The following CSRP1 variants were observed in gnomAD, a reference collection of about 807,000 sequenced individuals.
CSRP1 encodes the protein cysteine and glycine-rich protein 1.
Under a neutral mutation model 25.4 loss-of-function variants are expected in CSRP1, and 16 were observed. The ratio of observed to expected loss-of-function variants is 0.63; its 90% CI spans 0.43 to 0.96. The LOEUF is 0.96. Ranked by LOEUF, CSRP1 falls within the 40% of genes least tolerant of loss-of-function variation. CSRP1 has a pLI of 0.00. For synonymous variants in CSRP1, 97 were observed against 95.3 expected (o/e 1.02, Z -0.10); for missense variants, 212 against 243.6 (o/e 0.87, Z 0.86).
At chr1:201,505,110 C>A (rs1419779828) in intron 1 of CSRP1, among the ~76,000 whole-genome samples, 1 of 152,122 alleles carries the variant, frequency 6.6e-6, no homozygotes, top group African/African-American at 2.4e-5. Flanking sequence ...AACAAAAACA[C>A]ACAAAAAAGC....
At chr1:201,505,084 A>G (rs950945777) in intron 1 of CSRP1, among the ~76,000 whole-genome samples, 1 of 152,200 alleles carries the variant, frequency 6.6e-6, no homozygotes, top group Non-Finnish European at 1.5e-5. Context: ...TGGGTGACAG[A>G]GCAAGACTGC....
intron 1 of CSRP1, chr1:201,496,686 A>C: frequency 8.8e-6 from 2 of 228,530 alleles, no homozygotes; most frequent in Non-Finnish European, 1.7e-5. Context: ...ATGTGGAAGA[A>C]GCAGACAGAC....
At chr1:201,485,422 G>T in intron 4 of CSRP1, 46 bp from the exon 5 acceptor site, 2 of 1,561,230 alleles carry the variant, frequency 1.3e-6, no homozygotes, top group Non-Finnish European at 1.8e-6. Context: ...AGTGATGAGG[G>T]TACCCTCCAC....
At chr1:201,494,276 C>G (rs1664431373) in intron 2 of CSRP1, among the ~76,000 whole-genome samples, 2 of 152,184 alleles carry the variant, frequency 1.3e-5, no homozygotes. Context: ...CCCCCGCCCA[C>G]AGCTGACCCC....
intron 1 of CSRP1, among the ~76,000 whole-genome samples, chr1:201,497,102 G>A (rs1231140169): frequency 2.0e-5 from 3 of 152,172 alleles, no homozygotes; most frequent in Admixed American, 1.3e-4. Flanking sequence ...TGTAATCCCA[G>A]CACTTTGGGA....
chr1:201,495,245 T>A (rs991425875), intron 2 of CSRP1, among the ~76,000 whole-genome samples: 16 of 152,232 alleles, frequency 1.1e-4, no homozygotes, highest in Non-Finnish European at 1.8e-4. Flanking sequence ...AAATTTTTTT[T>A]AAAAATTGGC....
In CSRP1 at chr1:201,484,522, G is replaced by A. The variant is rs1558305337; in HGVS notation, c.*191C>T. The A allele has an allele frequency of 6.6e-6, 4 of 607,656 alleles. No homozygotes were observed. Among genetic ancestry groups the A allele is most frequent in the Non-Finnish European group, 8.8e-6 (3 of 339,388 alleles). 37.6% of individuals were successfully genotyped at this position (607,656 alleles called of 1,614,324 possible). A position where few individuals can be genotyped will look rare whatever the true frequency, so the allele number is the denominator to read the frequency against. The stretch of plus-strand genomic sequence containing the variant: ...GTGATGGTGTCAGATCCCAGGCCTG[G>A]GGAGCCCTTTAGTGGGGTGGGACCT... On this transcript the variant is annotated 3_prime_UTR_variant, in exon 6 of 6. Coordinates refer to ENST00000340006, the MANE Select transcript of CSRP1 (RefSeq NM_004078.3).
At position 201,484,652 on chromosome 1, in the gene CSRP1, TG is replaced by T. The variant is rs540563597; in HGVS notation, c.*60del. The T allele has an allele frequency of 2.9e-4, 425 of 1,459,522 alleles. 2 individuals are homozygous for T. In the African/African-American group the frequency reaches 5.3e-3, roughly 18 times the overall value. The allele number at this position is 1,459,522 out of a possible 1,614,324, so 90.4% of individuals were successfully genotyped here. A position where few individuals can be genotyped will look rare whatever the true frequency, so the allele number is the denominator to read the frequency against. ...TAATCCTGGAGGTCTCCAAAGCTGC[TG>T]GGAATGGAATGGCGATGAAAAGCGC... On this transcript the variant is annotated 3_prime_UTR_variant, in exon 6 of 6. Coordinates refer to ENST00000340006, the MANE Select transcript of CSRP1 (RefSeq NM_004078.3).
intron 2 of CSRP1, 54 bp downstream of exon 2, chr1:201,496,138 C>T (rs1557974772): frequency 2.2e-6 from 3 of 1,392,902 alleles, no homozygotes; most frequent in South Asian, 2.3e-5. Flanking sequence ...CCTGTGGGGG[C>T]AGGCCCGTCC....
In CSRP1 at chr1:201,484,733, C is replaced by T; in HGVS notation, c.562G>A (p.Ala188Thr). The part of the protein sequence containing the change: ...KGFGFGQGAG[A>T]LVHSE ...TGGCCTCACTCAGAGTGGACCAAGGCCCCAGCTCCTTGCCCAAAACCAAAG... is the reference window on the plus strand; with the variant it reads ...TGGCCTCACTCAGAGTGGACCAAGGTCCCAGCTCCTTGCCCAAAACCAAAG... Residue 188 changes from alanine to threonine, a missense_variant, in exon 6 of 6, where the codon GCC (alanine) becomes ACC (threonine). By Grantham distance (58) the Ala-to-Thr change is moderately conservative. Transcript: ENST00000340006. 3 of 1,611,526 alleles carry T rather than the reference C, an allele frequency of 1.9e-6. No individual in the cohort carries two copies. Among genetic ancestry groups the T allele is most frequent in the South Asian group, 2.2e-5 (2 of 89,976 alleles).
intron 1 of CSRP1, among the ~76,000 whole-genome samples, chr1:201,498,393 C>T (rs971326769): frequency 4.6e-5 from 7 of 152,102 alleles, no homozygotes; most frequent in Admixed American, 3.3e-4. Flanking sequence ...AGGGAGGTGC[C>T]GGGAAATAAA....
chr1:201,491,572 T>C (rs1664340176), intron 2 of CSRP1: 1 of 152,228 alleles, frequency 6.6e-6, no homozygotes, highest in South Asian at 2.1e-4. Flanking sequence ...ATTAGTATTA[T>C]ATAAAGTTAG....
At chr1:201,491,432 T>C (rs887209090) in intron 2 of CSRP1, 4 of 152,340 alleles carry the variant, frequency 2.6e-5, no homozygotes, top group African/African-American at 9.6e-5. Context: ...CTCTGTGTCC[T>C]CATTTGTAAA....
chr1:201,489,056 T>C (rs1664243497), intron 3 of CSRP1, 72 bp from the exon 4 acceptor site: 1 of 1,584,566 alleles, frequency 6.3e-7, no homozygotes, highest in Non-Finnish European at 8.6e-7. Flanking sequence ...TGAGAGGGCA[T>C]GACCCTACCT....
rs138467738 is a variant in CSRP1, at chr1:201,484,701, G to A, written c.*12C>T. ...CGCAGGAGTGGGCAGGGTGTGGTGG[G>A]TGATGGTGGCCTCACTCAGAGTGGA... On this transcript the variant is annotated 3_prime_UTR_variant, in exon 6 of 6. Transcript: ENST00000340006. The A allele has an allele frequency of 0.015, 24,714 of 1,607,788 alleles. 210 individuals are homozygous for A. The highest frequency in any genetic ancestry group is 0.018 in the Non-Finnish European group (21,360 of 1,177,616).
intron 3 of CSRP1, chr1:201,489,913 G>A (rs1466133055): frequency 2.7e-6 from 1 of 376,846 alleles, no homozygotes; most frequent in Non-Finnish European, 4.8e-6. Context: ...GTGATTCTTG[G>A]GGCCCCTCCC....
intron 1 of CSRP1, among the ~76,000 whole-genome samples, chr1:201,500,392 A>G (rs972059859): frequency 6.6e-6 from 1 of 152,216 alleles, no homozygotes; most frequent in Non-Finnish European, 1.5e-5. Flanking sequence ...AGGGGCCCAC[A>G]TCCAGCAGGG....
chr1:201,496,269 AC>A lies in CSRP1; in HGVS notation c.34del (p.Val12CysfsTer121). 1 of 1,614,138 alleles carries A rather than the reference AC, an allele frequency of 6.2e-7. No homozygotes were observed. Among genetic ancestry groups the A allele is most frequent in the Non-Finnish European group, 8.5e-7 (1 of 1,180,026 alleles). On this transcript the variant is annotated frameshift_variant, in exon 2 of 6. Transcript: ENST00000340006. LOFTEE classifies it high-confidence loss of function. ...GGCAAAGTAAACCGTCTTCTGACAC[AC>A]CCCACATTTCTTGCCTCCTCCCCAG... ...PNWGGGKKCGVCQKTVYFAEE... is the reference protein window; with the variant it reads ...PNWGGGKKCGXCQKTVYFAEE...
At chr1:201,491,447 CATA>C (rs1259139888) in intron 2 of CSRP1, 2 of 152,074 alleles carry the variant, frequency 1.3e-5, no homozygotes. Flanking sequence ...TGTAAATGAA[CATA>C]ATAATGTCTG....
Sources: allele counts gnomAD v4.1 joint callset (sites outside exome capture counted in the v4.1 genomes callset), GRCh38; gene constraint gnomAD v4.1.1; transcripts MANE v1.5; gene names NCBI Gene and HGNC (gene_info 2026-07-23, HGNC 2026-07-21).